The following MGST1 variants were observed in gnomAD, a reference collection of about 807,000 sequenced individuals.
The protein encoded by MGST1 is glutathione S-transferase 12.
MGST1 carries 5 observed loss-of-function variants against 8.9 expected under a neutral mutation model. The ratio of observed to expected loss-of-function variants is 0.56; its 90% CI spans 0.29 to 1.19. The LOEUF (loss-of-function observed/expected upper bound fraction) is 1.19. MGST1 is among the 50% of genes most tolerant of loss of function. MGST1 has a pLI of 0.08. For synonymous variants in MGST1, 54 were observed against 67.8 expected (o/e 0.80, Z 1.00); for missense variants, 182 against 187.4 (o/e 0.97, Z 0.17).
chr12:16,399,979 A>G (rs1168442659), intron 1 of MGST1: 1 of 1,401,900 alleles, frequency 7.1e-7, no homozygotes, highest in Non-Finnish European at 1.0e-6. Context: ...AGTGGGCTGA[A>G]GGAGGCAGGT....
downstream of MGST1, among the ~76,000 whole-genome samples, chr12:16,380,659 C>T (rs2137039317): frequency 6.6e-6 from 1 of 152,280 alleles, no homozygotes; most frequent in African/African-American, 2.4e-5. Context: ...TCTATTAGGT[C>T]TGCTTGGTGC....
At chr12:16,402,539 T>G in intron 1 of MGST1, 3 of 820,246 alleles carry the variant, frequency 3.7e-6, no homozygotes, top group Non-Finnish European at 5.9e-6. Context: ...AATAAGCTAC[T>G]AACACTTCTT....
chr12:16,348,369 CCA>C (rs1939294939), intron 1 of MGST1, among the ~76,000 whole-genome samples: 1 of 152,130 alleles, frequency 6.6e-6, no homozygotes, highest in South Asian at 2.1e-4. Flanking sequence ...CCCCACTTCC[CCA>C]GTCTGGAGGA....
chr12:16,379,518 A>G (rs1014107142), downstream of MGST1, among the ~76,000 whole-genome samples: 1 of 152,144 alleles, frequency 6.6e-6, no homozygotes, highest in African/African-American at 2.4e-5. Context: ...ATGGTGGATA[A>G]GTTTTTGATG....
At chr12:16,581,032 A>G (rs1591806680) in intron 4 of MGST1, among the ~76,000 whole-genome samples, 1 of 152,152 alleles carries the variant, frequency 6.6e-6, no homozygotes, top group Non-Finnish European at 1.5e-5. Flanking sequence ...CCACTAACAA[A>G]TTTTTTTCTA....
At chr12:16,502,473 A>G (rs1217322696) in intron 4 of MGST1, among the ~76,000 whole-genome samples, 2 of 152,206 alleles carry the variant, frequency 1.3e-5, no homozygotes, top group South Asian at 2.1e-4. Flanking sequence ...TTGAGGCAGT[A>G]TCTTTCAATT....
At chr12:16,406,464 TATC>T (rs1180973930) in intron 1 of MGST1, among the ~76,000 whole-genome samples, 1 of 152,212 alleles carries the variant, frequency 6.6e-6, no homozygotes, top group Non-Finnish European at 1.5e-5. Flanking sequence ...GAAGAATCAA[TATC>T]ATTAAAATGA....
At chr12:16,403,603 T>C (rs1041302928) in intron 1 of MGST1, among the ~76,000 whole-genome samples, 4 of 152,074 alleles carry the variant, frequency 2.6e-5, no homozygotes, top group African/African-American at 9.7e-5. Flanking sequence ...AAAGTTTTCA[T>C]TATGTTTGTA....
At chr12:16,354,159 A>G in intron 1 of MGST1, 72 bp from the exon 2 acceptor site, 1 of 1,087,822 alleles carries the variant, frequency 9.2e-7, no homozygotes, top group Non-Finnish European at 1.3e-6. Context: ...CAATATAAGA[A>G]CATCAAATGA....
At chr12:16,427,680 C>A (rs1359547828) in intron 1 of MGST1, among the ~76,000 whole-genome samples, 1 of 152,174 alleles carries the variant, frequency 6.6e-6, no homozygotes, top group Non-Finnish European at 1.5e-5. Flanking sequence ...CTGGGCCTGG[C>A]CTACATTTTT....
chr12:16,428,629 A>G (rs1301122104), intron 1 of MGST1, among the ~76,000 whole-genome samples: 1 of 152,026 alleles, frequency 6.6e-6, no homozygotes, highest in African/African-American at 2.4e-5. Flanking sequence ...TTTGCTAAAT[A>G]TATTTTAAAC....
At chr12:16,465,282 A>AATTCTGACGAACCTACATTTT (rs1941246038) in intron 4 of MGST1, among the ~76,000 whole-genome samples, 1 of 152,194 alleles carries the variant, frequency 6.6e-6, no homozygotes, top group African/African-American at 2.4e-5. Flanking sequence ...GTCTACATTT[A>AATTCTGACGAACCTACATTTT]ATTCTGACGA....
intron 4 of MGST1, chr12:16,514,280 C>A: frequency 3.4e-6 from 1 of 291,186 alleles, no homozygotes; most frequent in South Asian, 3.4e-5. Context: ...GCAGATGAAG[C>A]CAAGAGGGTA....
chr12:16,465,928 C>T (rs1024489976), intron 4 of MGST1, among the ~76,000 whole-genome samples: 5 of 152,176 alleles, frequency 3.3e-5, no homozygotes, highest in African/African-American at 1.2e-4. Context: ...CACACCCCTT[C>T]GACCATTGTC....
intron 4 of MGST1, among the ~76,000 whole-genome samples, chr12:16,569,850 T>A (rs1177480720): frequency 6.6e-6 from 1 of 152,116 alleles, no homozygotes; most frequent in African/African-American, 2.4e-5. Context: ...ATAACACATA[T>A]GTACTAAAAC....
At chr12:16,518,190 A>C (rs1379499146) in intron 4 of MGST1, among the ~76,000 whole-genome samples, 1 of 151,920 alleles carries the variant, frequency 6.6e-6, no homozygotes, top group African/African-American at 2.4e-5. Context: ...ATCTTCTCCA[A>C]CTCTGCTATT....
chr12:16,454,397 C>T (rs1941152911), intron 4 of MGST1, among the ~76,000 whole-genome samples: 1 of 151,836 alleles, frequency 6.6e-6, no homozygotes, highest in Non-Finnish European at 1.5e-5. Flanking sequence ...CTCTATTTCT[C>T]CTCCTTCTAG....
intron 1 of MGST1, among the ~76,000 whole-genome samples, chr12:16,385,551 T>C (rs1981749): frequency 0.39 from 59,073 of 152,082 alleles, 11,831 homozygotes; most frequent in East Asian, 0.57. Context: ...AATTTATACT[T>C]ATTTTATTAA....
In MGST1 at chr12:16,401,271, TG is replaced by T; in HGVS notation, n.778+17668del. ...TTTTCCCCTCCTTGTTAGTCAGGTC[TG>T]AGAATCCCAAACTGATGCTGAAAAC... On this transcript the variant is annotated intron_variant and non_coding_transcript_variant, in intron 1 of 1. Coordinates refer to the MGST1 transcript ENST00000359720. The surrounding 1 kb of genome is among the most constrained non-coding windows in gnomAD (Gnocchi z 4.3). 1 of 1,560,400 alleles carries T rather than the reference TG, an allele frequency of 6.4e-7. No homozygotes were observed. Among genetic ancestry groups the T allele is most frequent in the Non-Finnish European group, 8.8e-7 (1 of 1,133,914 alleles).
Sources: gnomAD v4.1 joint callset for allele counts (sites outside exome capture counted in the v4.1 genomes callset) on GRCh38, gnomAD v4.1.1 for gene constraint, Gnocchi (gnomAD v3.1) non-coding constraint, MANE v1.5 for transcripts, NCBI Gene and HGNC (gene_info 2026-07-23, HGNC 2026-07-21) for gene names.